Variants in CDYL2 observed in about 807,000 individuals in gnomAD.
CDYL2 encodes the protein chromodomain Y like 2.
Under a neutral mutation model 49.4 loss-of-function variants are expected in CDYL2, and 23 were observed. The observed-to-expected ratio is 0.47, with a 90% CI of 0.34 to 0.66. CDYL2 has a LOEUF of 0.66. Among genes scored for constraint, CDYL2 ranks in the 30% least tolerant of loss-of-function variants. The pLI is 0.01. For synonymous variants in CDYL2, 360 were observed against 268.8 expected (o/e 1.34, Z -3.32); for missense variants, 678 against 656.4 (o/e 1.03, Z -0.36).
rs117209132 is a variant in CDYL2, at chr16:80,676,515, G to A, written c.616+8023C>T. Among the ~76,000 whole-genome samples the A allele has an allele frequency of 1.2e-4, 19 of 152,234 alleles. No homozygotes were observed. In the East Asian group the frequency reaches 2.3e-3, roughly 19 times the overall value. On this transcript the variant is annotated intron_variant, in intron 2 of 6. Transcript: ENST00000570137. ...AGCCTTCCTGAACCAGTTTCCCTGGGCCTCTTCTGGGACAAGCTCCTCACC... is the reference window on the plus strand; with the variant it reads ...AGCCTTCCTGAACCAGTTTCCCTGGACCTCTTCTGGGACAAGCTCCTCACC...
At chr16:80,732,506 T>A (rs1905364865) in intron 1 of CDYL2, among the ~76,000 whole-genome samples, 1 of 152,184 alleles carries the variant, frequency 6.6e-6, no homozygotes, top group South Asian at 2.1e-4. Flanking sequence ...GCACAGAATA[T>A]CTTTGGAAGG....
At chr16:80,685,252 C>T in intron 1 of CDYL2, 123 bp from the exon 2 acceptor site, 1 of 726,786 alleles carries the variant, frequency 1.4e-6, no homozygotes, top group Non-Finnish European at 2.3e-6. Context: ...GGGGGTGAGC[C>T]ACGAGCCATT....
chr16:80,709,366 A>T (rs1364292910), intron 1 of CDYL2, among the ~76,000 whole-genome samples: 1 of 147,366 alleles, frequency 6.8e-6, no homozygotes, highest in African/African-American at 2.6e-5. Context: ...TAGGCAACAT[A>T]GCGAGACTCC....
At chr16:80,741,661 C>A (rs1018499442) in intron 1 of CDYL2, among the ~76,000 whole-genome samples, 1 of 151,944 alleles carries the variant, frequency 6.6e-6, no homozygotes, top group Admixed American at 6.6e-5. Context: ...AAACAAACAA[C>A]AGATATTTAA....
At chr16:80,795,656 A>G (rs989829953) in intron 1 of CDYL2, among the ~76,000 whole-genome samples, 6 of 152,162 alleles carry the variant, frequency 3.9e-5, no homozygotes, top group Admixed American at 3.9e-4. Context: ...CTGACTCCAG[A>G]CAAGGATAAA....
chr16:80,674,421 C>A (rs190105191), intron 2 of CDYL2, among the ~76,000 whole-genome samples: 16 of 122,208 alleles, frequency 1.3e-4, no homozygotes, highest in African/African-American at 4.1e-4. Context: ...GCTTCTTTTT[C>A]TTCTCCTTTT....
chr16:80,631,446 G>A (rs1423223132), intron 3 of CDYL2, among the ~76,000 whole-genome samples: 2 of 152,156 alleles, frequency 1.3e-5, no homozygotes, highest in African/African-American at 4.8e-5. Flanking sequence ...TTTGAATGAT[G>A]TTGTCAATCT....
At chr16:80,683,263 C>G (rs1045613748) in intron 2 of CDYL2, among the ~76,000 whole-genome samples, 3 of 152,208 alleles carry the variant, frequency 2.0e-5, no homozygotes, top group African/African-American at 7.2e-5. Context: ...TCTGGACATT[C>G]CAAGGCTCGG....
intron 4 of CDYL2, among the ~76,000 whole-genome samples, chr16:80,616,610 G>C (rs2142370601): frequency 6.6e-6 from 1 of 152,236 alleles, no homozygotes; most frequent in East Asian, 1.9e-4. Context: ...GGACCAAACA[G>C]TGACCACCAT....
chr16:80,610,968 C>T (rs1906568885), intron 5 of CDYL2, among the ~76,000 whole-genome samples: 1 of 152,172 alleles, frequency 6.6e-6, no homozygotes, highest in Non-Finnish European at 1.5e-5. Flanking sequence ...CACGCCACTG[C>T]CATGGCCTCA....
At position 80,804,247 on chromosome 16, in the gene CDYL2, TC is replaced by T; in HGVS notation, c.-75del. 1 of 1,279,470 alleles carries T rather than the reference TC, an allele frequency of 7.8e-7. No individual in the cohort carries two copies. The allele number at this position is 1,279,470 out of a possible 1,614,324, so 79.3% of individuals were successfully genotyped here. A position where few individuals can be genotyped will look rare whatever the true frequency, so the allele number is the denominator to read the frequency against. On this transcript the variant is annotated 5_prime_UTR_variant, in exon 1 of 7. Transcript: ENST00000570137. ...GCCCTCCGTGCGTGTGCGCGCGGGG[TC>T]CGGTGTGCGCGTGTGTGTGCGCGCG...
At chr16:80,716,058 G>A (rs183370539) in intron 1 of CDYL2, among the ~76,000 whole-genome samples, 1 of 152,288 alleles carries the variant, frequency 6.6e-6, no homozygotes, top group Admixed American at 6.5e-5. Flanking sequence ...CTCCTTCATG[G>A]GATCATTATA....
intron 3 of CDYL2, among the ~76,000 whole-genome samples, chr16:80,624,513 C>T (rs187560566): frequency 2.0e-5 from 3 of 152,124 alleles, no homozygotes; most frequent in Non-Finnish European, 2.9e-5. Flanking sequence ...TGGGGAGAAG[C>T]TGCAACCCAG....
chr16:80,650,039 C>G (rs552850707), intron 2 of CDYL2, among the ~76,000 whole-genome samples: 1 of 152,252 alleles, frequency 6.6e-6, no homozygotes, highest in South Asian at 2.1e-4. Flanking sequence ...TGGGGAAAAT[C>G]TCCAGGACAT....
intron 1 of CDYL2, among the ~76,000 whole-genome samples, chr16:80,780,699 C>T (rs1023653012): frequency 2.6e-5 from 4 of 152,044 alleles, no homozygotes; most frequent in African/African-American, 7.2e-5. Context: ...CCACCGCGCC[C>T]GGCCCAGATG....
intron 1 of CDYL2, among the ~76,000 whole-genome samples, chr16:80,782,363 G>A (rs1448173701): frequency 2.6e-5 from 4 of 151,364 alleles, no homozygotes; most frequent in Non-Finnish European, 5.9e-5. Context: ...CCCCCCAAAC[G>A]AAGAAAAGGC....
At chr16:80,754,441 A>G (rs1218696744) in intron 1 of CDYL2, among the ~76,000 whole-genome samples, 1 of 152,250 alleles carries the variant, frequency 6.6e-6, no homozygotes, top group African/African-American at 2.4e-5. Flanking sequence ...ATTACAAAAC[A>G]GGAATTTCTG....
intron 2 of CDYL2, among the ~76,000 whole-genome samples, chr16:80,638,920 G>C (rs945375499): frequency 1.3e-5 from 2 of 151,466 alleles, no homozygotes; most frequent in Admixed American, 1.3e-4. Context: ...ACTTGGGTTT[G>C]CAATGACTTT....
chr16:80,714,295 A>G (rs1323055634), intron 1 of CDYL2, among the ~76,000 whole-genome samples: 2 of 151,910 alleles, frequency 1.3e-5, no homozygotes, highest in African/African-American at 4.8e-5. Context: ...CCTAACACCA[A>G]TAAATCAAGA....
Sources: allele counts gnomAD v4.1 joint callset (sites outside exome capture counted in the v4.1 genomes callset), GRCh38; gene constraint gnomAD v4.1.1; transcripts MANE v1.5; gene names NCBI Gene and HGNC (gene_info 2026-07-23, HGNC 2026-07-21).